Variants in ZNF620 observed in about 807,000 individuals in gnomAD.
ZNF620 encodes zinc finger protein 620.
Under a neutral mutation model 13.3 loss-of-function variants are expected in ZNF620, and 10 were observed. The ratio of observed to expected loss-of-function variants is 0.75; its 90% confidence interval spans 0.46 to 1.28. ZNF620 has a LOEUF of 1.28. Ranked by LOEUF, ZNF620 falls within the 50% of genes most tolerant of loss-of-function variation. ZNF620 has a pLI of 0.00. For synonymous variants in ZNF620, 166 were observed against 177.6 expected, an observed-to-expected ratio of 0.93 and a Z score of 0.52; for missense variants, 461 against 500.2, an observed-to-expected ratio of 0.92 and a Z score of 0.75.
chr3:40,511,691 T>G (rs1243858889), intron 3 of ZNF620, 95 bp downstream of exon 3: 1 of 1,509,960 alleles, frequency 6.6e-7, no homozygotes, highest in African/African-American at 1.4e-5. Flanking sequence ...TTTTTTTCTT[T>G]TTTTTTTGAG....
chr3:40,516,683 C>T lies in ZNF620; in HGVS notation c.1089C>T (p.Pro363=), dbSNP rs1378327692. The T allele has an allele frequency of 6.2e-7, 1 of 1,614,020 alleles. No homozygotes were observed. The highest frequency in any genetic ancestry group is 2.2e-5 in the East Asian group (1 of 44,900). ...AGCGAATTCACACTGGGGAGAAGCC[C>T]TTTGAATGTAAGGAGTGTGGGAAGG... ...QHQRIHTGEK[P]FECKECGKAF... is the part of the protein sequence containing the mutation. Residue 363 remains proline, a synonymous_variant, in exon 5 of 5, where the codon CCC becomes CCT. Transcript: ENST00000314529.
At position 40,507,099 on chromosome 3, in the gene ZNF620, T is replaced by G. The variant is rs1037326856; in HGVS notation, c.24+723T>G. Reference sequence around the variant, plus strand: ...TTAGATGACCATATGGTTTTTTTTTTTTTTTTTTTTTGAGATGGAGTCTTG... The same window carrying G: ...TTAGATGACCATATGGTTTTTTTTTGTTTTTTTTTTTGAGATGGAGTCTTG... On this transcript the variant is annotated intron_variant, in intron 2 of 4. Coordinates refer to ENST00000314529, the MANE Select transcript of ZNF620 (RefSeq NM_175888.4). Among the ~76,000 whole-genome samples, 18 of 146,518 alleles carry G rather than the reference T, an allele frequency of 1.2e-4. No individual in the cohort carries two copies. In the Middle Eastern group the frequency reaches 0.014, roughly 112 times the overall value.
At chr3:40,514,992 T>C (rs1373257198) in intron 4 of ZNF620, among the ~76,000 whole-genome samples, 1 of 152,202 alleles carries the variant, frequency 6.6e-6, no homozygotes, top group Non-Finnish European at 1.5e-5. Flanking sequence ...TGTGAATGCA[T>C]GCAGGCTGAA....
At chr3:40,511,652 A>G (rs1698201571) in intron 3 of ZNF620, 56 bp downstream of exon 3, 1 of 1,573,958 alleles carries the variant, frequency 6.4e-7, no homozygotes, top group Admixed American at 2.1e-5. Context: ...TGGCTTCTTT[A>G]TTCCTTAGAA....
At chr3:40,513,353 A>G (rs1189880566) in intron 4 of ZNF620, among the ~76,000 whole-genome samples, 5 of 130,404 alleles carry the variant, frequency 3.8e-5, no homozygotes, top group Non-Finnish European at 6.4e-5. Flanking sequence ...ATATATATAT[A>G]TGGCCAGGTG....
At chr3:40,514,461 G>A (rs1698310383) in intron 4 of ZNF620, among the ~76,000 whole-genome samples, 1 of 152,104 alleles carries the variant, frequency 6.6e-6, no homozygotes, top group Non-Finnish European at 1.5e-5. Context: ...CCTGGGCCCA[G>A]CTGTCTTTTC....
rs1212315764 is a variant in ZNF620 at position 40,506,044 on chromosome 3, T to C, written c.-144T>C. On this transcript the variant is annotated 5_prime_UTR_variant, in exon 1 of 5. Coordinates refer to ENST00000314529, the MANE Select transcript of ZNF620 (RefSeq NM_175888.4). ...CACTTCCGGCGGAGGGTCTCAAGCT[T>C]TCCCCGGTGTCGGCGGCAGGTGGAA... is the stretch of plus-strand genomic sequence containing the variant. 3 of 488,772 alleles carry C rather than the reference T, an allele frequency of 6.1e-6. No homozygotes were observed. Among genetic ancestry groups the C allele is most frequent in the Non-Finnish European group, 1.1e-5 (3 of 267,288 alleles). 30.3% of individuals were successfully genotyped at this position (488,772 alleles called of 1,614,324 possible).
At chr3:40,515,150 C>G (rs979718268) in intron 4 of ZNF620, among the ~76,000 whole-genome samples, 1 of 152,208 alleles carries the variant, frequency 6.6e-6, no homozygotes, top group Non-Finnish European at 1.5e-5. Flanking sequence ...GGAAAAATGG[C>G]AAGCATCGTT....
chr3:40,515,865 G>A lies in ZNF620; in HGVS notation c.271G>A (p.Glu91Lys), dbSNP rs1298573119. The A allele has an allele frequency of 6.2e-7, 1 of 1,600,576 alleles. No homozygotes were observed. Among genetic ancestry groups the A allele is most frequent in the Non-Finnish European group, 8.5e-7 (1 of 1,173,312 alleles). Residue 91 changes from glutamate (E) to lysine (K), a missense_variant, in exon 5 of 5, where the codon GAG (glutamate) becomes AAG (lysine). Coordinates refer to ENST00000314529, the MANE Select transcript of ZNF620 (RefSeq NM_175888.4). Reference protein sequence around the residue: ...EALRGICPGDEARTEKEGLTP... With the variant: ...EALRGICPGDKARTEKEGLTP... ...GTATTTTCTTTTTGTGATAGGGGAT[G>A]AGGCCAGAACTGAGAAGGAAGGATT...
chr3:40,516,007 G>A lies in ZNF620; in HGVS notation c.413G>A (p.Gly138Asp). The change falls in exon 5 of 5, where the codon GGT (glycine) becomes GAT (aspartate). Residue 138 changes from glycine to aspartate, a missense_variant. Gly to Asp is a moderately conservative substitution (Grantham distance 94). Coordinates refer to ENST00000314529, the MANE Select transcript of ZNF620 (RefSeq NM_175888.4). ...GGGAGCAGCCTAGAGCAGCCACAAGGTCATTGGATAATTAAGACAAAGTCA... is the reference window on the plus strand; with the variant it reads ...GGGAGCAGCCTAGAGCAGCCACAAGATCATTGGATAATTAAGACAAAGTCA... ...DFGSSLEQPQ[G>D]HWIIKTKSKR... is the part of the protein sequence containing the mutation. 1 of 1,614,132 alleles carries A rather than the reference G, an allele frequency of 6.2e-7. No homozygotes were observed. Among genetic ancestry groups the A allele is most frequent in the Non-Finnish European group, 8.5e-7 (1 of 1,180,038 alleles).
Position 40,507,158 on chromosome 3 carries a change from C to G in ZNF620, c.24+782C>G, listed in dbSNP as rs1007056885. Among the ~76,000 whole-genome samples, 181 of 133,938 alleles carry G rather than the reference C, an allele frequency of 1.4e-3. 2 individuals carry two copies. The highest frequency in any genetic ancestry group is 4.3e-3 in the Admixed American group (50 of 11,720). 87.9% of individuals were successfully genotyped at this position (133,938 alleles called of 152,430 possible). On this transcript the variant is annotated intron_variant, in intron 2 of 4. Transcript: ENST00000314529. ...ACAGGCTGGAGTGCAGTGGCGCGATCCTGGTTCACTGCACCCTCCACCTCT... is the reference window on the plus strand; with the variant it reads ...ACAGGCTGGAGTGCAGTGGCGCGATGCTGGTTCACTGCACCCTCCACCTCT...
At chr3:40,508,207 T>C (rs1253017522) in intron 2 of ZNF620, among the ~76,000 whole-genome samples, 1 of 152,200 alleles carries the variant, frequency 6.6e-6, no homozygotes, top group Non-Finnish European at 1.5e-5. Context: ...TGATCTTTAA[T>C]GTCTTTTTTA....
At chr3:40,514,403 A>G (rs1374114502) in intron 4 of ZNF620, among the ~76,000 whole-genome samples, 2 of 152,040 alleles carry the variant, frequency 1.3e-5, no homozygotes, top group African/African-American at 4.8e-5. Flanking sequence ...CAGCACGGCC[A>G]GGCATTCAGG....
At chr3:40,508,522 T>A in intron 2 of ZNF620, 1 of 245,052 alleles carries the variant, frequency 4.1e-6, no homozygotes. Context: ...TCAGAAAACA[T>A]ACTTTGTATG....
chr3:40,513,308 A>AC (rs2125660641), intron 4 of ZNF620, among the ~76,000 whole-genome samples: 1 of 61,012 alleles, frequency 1.6e-5, no homozygotes, highest in East Asian at 8.7e-4. Context: ...CAACTAAAAA[A>AC]AAAAAAAAAT....
rs1357100472 is a variant in ZNF620, at chr3:40,516,313, T to C, written c.719T>C (p.Ile240Thr). Residue 240 changes from isoleucine to threonine, a missense_variant, in exon 5 of 5, where the codon ATT (isoleucine) becomes ACT (threonine). Coordinates refer to ENST00000314529, the MANE Select transcript of ZNF620 (RefSeq NM_175888.4). Reference sequence around the variant, plus strand: ...TACTTCAGATATAACTCATTACTTATTCGGCATCAGATAATTCACACTGGA... The same window carrying C: ...TACTTCAGATATAACTCATTACTTACTCGGCATCAGATAATTCACACTGGA... ...GKYFRYNSLL[I>T]RHQIIHTGKK... is the part of the protein sequence containing the mutation. 4 of 1,614,120 alleles carry C rather than the reference T, an allele frequency of 2.5e-6. No individual in the cohort carries two copies. Among genetic ancestry groups the C allele is most frequent in the South Asian group, 1.1e-5 (1 of 91,094 alleles).
At chr3:40,515,800 GTGTGTGTGTGTGTGTGTGTGA>G in intron 4 of ZNF620, 39 bp from the exon 5 acceptor site, 2 of 1,365,062 alleles carry the variant, frequency 1.5e-6, no homozygotes, top group Non-Finnish European at 2.0e-6. Context: ...GTGTGTGTGT[GTGTGTGTGTGTGTGTGTGTGA>G]TATCAGGGAC....
intron 2 of ZNF620, 125 bp from the exon 3 acceptor site, chr3:40,511,345 G>A: frequency 1.5e-6 from 2 of 1,329,784 alleles, no homozygotes; most frequent in Non-Finnish European, 2.1e-6. Flanking sequence ...CTGAGGGCTG[G>A]CCTCATGGTG....
rs138750132 is a variant in ZNF620 at position 40,507,307 on chromosome 3, G to A, written c.24+931G>A. 2.4e-4 allele frequency among the ~76,000 whole-genome samples: 37 copies of A among 152,120 alleles called. No homozygotes were observed. In the East Asian group the frequency reaches 6.2e-3, roughly 25 times the overall value. The stretch of plus-strand genomic sequence containing the variant: ...AGGTTTCACCATGTTGGCCAGGATG[G>A]TCTCGATCCCTTGACCTCGTGATTC... On this transcript the variant is annotated intron_variant, in intron 2 of 4. Transcript: ENST00000314529.
Sources: allele counts gnomAD v4.1 joint callset (sites outside exome capture counted in the v4.1 genomes callset), GRCh38; gene constraint gnomAD v4.1.1; transcripts MANE v1.5; gene names NCBI Gene and HGNC (gene_info 2026-07-23, HGNC 2026-07-21).